Variants in DAB1 observed in about 807,000 individuals in gnomAD.
The protein encoded by DAB1 is DAB adaptor protein 1.
Under a neutral mutation model 64.6 loss-of-function variants are expected in DAB1, and 15 were observed. That is an observed-to-expected ratio of 0.23 (90% confidence interval 0.16 to 0.36). The LOEUF is 0.36. DAB1 is among the 10% of genes least tolerant of loss of function. DAB1 has a pLI of 1.00. For synonymous variants in DAB1, 235 were observed against 251.9 expected (o/e 0.93, Z 0.64); for missense variants, 596 against 706.7 (o/e 0.84, Z 1.78).
intron 2 of DAB1, among the ~76,000 whole-genome samples, chr1:57,269,939 C>T (rs543978640): frequency 2.6e-5 from 4 of 152,228 alleles, no homozygotes; most frequent in African/African-American, 7.2e-5. Flanking sequence ...CATTTGGTCA[C>T]GAGAATTACA....
chr1:58,124,653 A>G (rs1652955043), intron 5 of DAB1, among the ~76,000 whole-genome samples: 1 of 152,238 alleles, frequency 6.6e-6, no homozygotes, highest in Non-Finnish European at 1.5e-5. Flanking sequence ...CATATTTTAT[A>G]CAAGGAAAGA....
At chr1:58,498,005 G>A (rs1259161956) in intron 3 of DAB1, among the ~76,000 whole-genome samples, 1 of 152,000 alleles carries the variant, frequency 6.6e-6, no homozygotes, top group Non-Finnish European at 1.5e-5. Flanking sequence ...TCTCAACTAA[G>A]AACTATGAAG....
intron 5 of DAB1, among the ~76,000 whole-genome samples, chr1:58,038,321 G>A (rs1408156069): frequency 3.3e-5 from 5 of 152,154 alleles, no homozygotes; most frequent in African/African-American, 4.8e-5. Flanking sequence ...AAGAGTGGAA[G>A]GAATTCAGCT....
At chr1:57,721,212 A>G (rs905984632) in intron 6 of DAB1, among the ~76,000 whole-genome samples, 7 of 152,186 alleles carry the variant, frequency 4.6e-5, no homozygotes, top group Admixed American at 6.5e-5. Context: ...TGAAGGCAAG[A>G]AAATTGAATG....
chr1:57,546,101 G>A (rs904883269), intron 7 of DAB1, among the ~76,000 whole-genome samples: 14 of 151,372 alleles, frequency 9.2e-5, no homozygotes, highest in African/African-American at 9.7e-5. Context: ...GTGTGTGTGC[G>A]CGCACGTGTG....
intron 4 of DAB1, among the ~76,000 whole-genome samples, chr1:57,083,973 G>A (rs183437190): frequency 9.8e-5 from 15 of 152,296 alleles, no homozygotes; most frequent in East Asian, 5.8e-4. Flanking sequence ...CTAGCGTTCC[G>A]CCTGGCACAA....
intron 5 of DAB1, among the ~76,000 whole-genome samples, chr1:57,913,907 G>A (rs1202809): frequency 0.19 from 29,434 of 152,090 alleles, 3,291 homozygotes; most frequent in Admixed American, 0.27. Flanking sequence ...ACCATCTCAT[G>A]CCAGTTAGAA....
chr1:57,806,982 A>AC (rs1651392248), intron 6 of DAB1, among the ~76,000 whole-genome samples: 2 of 152,274 alleles, frequency 1.3e-5, no homozygotes, highest in South Asian at 4.1e-4. Flanking sequence ...TGTAGTAGTC[A>AC]CTCAGCAAAT....
chr1:57,723,729 T>C (rs375307389), intron 6 of DAB1, among the ~76,000 whole-genome samples: 11 of 152,356 alleles, frequency 7.2e-5, no homozygotes, highest in African/African-American at 2.6e-4. Flanking sequence ...ATTAGCTGAT[T>C]GTGGCTACAT....
At chr1:57,130,081 AT>A (rs1307887880) in intron 4 of DAB1, among the ~76,000 whole-genome samples, 3 of 151,826 alleles carry the variant, frequency 2.0e-5, no homozygotes, top group African/African-American at 7.3e-5. Context: ...TCAACTCAGT[AT>A]GACACAGATG....
At chr1:58,036,608 C>G (rs6701501) in intron 5 of DAB1, among the ~76,000 whole-genome samples, 1 of 152,048 alleles carries the variant, frequency 6.6e-6, no homozygotes, top group African/African-American at 2.4e-5. Context: ...AGACCTGCAG[C>G]CTTCTACTAA....
At chr1:58,110,019 AT>A (rs559518418) in intron 5 of DAB1, among the ~76,000 whole-genome samples, 4 of 152,244 alleles carry the variant, frequency 2.6e-5, no homozygotes, top group Non-Finnish European at 5.9e-5. Flanking sequence ...GGGATGGCCC[AT>A]TCTGGGCCAA....
Position 57,783,048 on chromosome 1 carries a change from T to C in DAB1, n.551+100951A>G, listed in dbSNP as rs370536349. 1.8e-3 allele frequency among the ~76,000 whole-genome samples: 209 copies of C among 118,460 alleles called. 1 individual carries two copies. The highest frequency in any genetic ancestry group is 6.6e-3 in the African/African-American group (203 of 30,620). 77.7% of individuals were successfully genotyped at this position (118,460 alleles called of 152,430 possible). On this transcript the variant is annotated intron_variant and non_coding_transcript_variant, in intron 6 of 20. Transcript: ENST00000485760. ...CCCTCCCTTGCTTGCTCTTTCTTTC[T>C]TTCCTTCCTTCCTTCCTTCCTTCTT... is the stretch of plus-strand genomic sequence containing the variant.
At chr1:58,463,788 T>C (rs1645267460) in intron 3 of DAB1, among the ~76,000 whole-genome samples, 1 of 152,230 alleles carries the variant, frequency 6.6e-6, no homozygotes, top group Non-Finnish European at 1.5e-5. Context: ...TGTGAGTCCA[T>C]GGCATCACAG....
chr1:57,414,968 C>A (rs1266640065), intron 1 of DAB1, among the ~76,000 whole-genome samples: 1 of 152,098 alleles, frequency 6.6e-6, no homozygotes, highest in Non-Finnish European at 1.5e-5. Context: ...AAACTCAAAT[C>A]AAATCTCAAC....
intron 10 of DAB1, 63 bp from the exon 11 acceptor site, chr1:57,023,702 G>A: frequency 9.4e-7 from 1 of 1,069,322 alleles, no homozygotes; most frequent in Non-Finnish European, 1.4e-6. Flanking sequence ...AAGGCTGGGA[G>A]GTAGCAGATG....
chr1:58,201,134 A>G (rs922258557), intron 4 of DAB1, among the ~76,000 whole-genome samples: 3 of 151,294 alleles, frequency 2.0e-5, no homozygotes, highest in Middle Eastern at 3.2e-3. Context: ...CTCCTGCCTC[A>G]GCCTCCCGAG....
chr1:57,873,235 A>C (rs1643984205), intron 1 of DAB1, among the ~76,000 whole-genome samples: 1 of 152,166 alleles, frequency 6.6e-6, no homozygotes, highest in Non-Finnish European at 1.5e-5. Flanking sequence ...AAGATATATA[A>C]ATATTACTGA....
At chr1:58,373,455 G>C (rs1644289802) in intron 3 of DAB1, among the ~76,000 whole-genome samples, 1 of 150,946 alleles carries the variant, frequency 6.6e-6, no homozygotes, top group African/African-American at 2.4e-5. Context: ...AGTTTACTGA[G>C]AATGATGGTT....
Sources: allele counts gnomAD v4.1 joint callset (sites outside exome capture counted in the v4.1 genomes callset), GRCh38; gene constraint gnomAD v4.1.1; transcripts MANE v1.5; gene names NCBI Gene and HGNC (gene_info 2026-07-23, HGNC 2026-07-21).